The following DNAAF11 variants were observed in gnomAD, a reference collection of about 807,000 sequenced individuals.
DNAAF11 encodes dynein axonemal assembly factor 11.
Under a neutral mutation model 60.8 loss-of-function variants are expected in DNAAF11, and 45 were observed. That is an observed-to-expected ratio of 0.74 (90% CI 0.58 to 0.95). The LOEUF (loss-of-function observed/expected upper bound fraction) is 0.95, where lower values mean the gene tolerates loss of function less well. Ranked by LOEUF, DNAAF11 falls within the 40% of genes least tolerant of loss-of-function variation. DNAAF11 has a pLI of 0.00. For synonymous variants in DNAAF11, 191 were observed against 183.5 expected (o/e 1.04, Z -0.33); for missense variants, 546 against 546.2 (o/e 1.00, Z 0.00).
At chr8:132,619,640 G>A (rs1001069792) in intron 7 of DNAAF11, among the ~76,000 whole-genome samples, 4 of 152,194 alleles carry the variant, frequency 2.6e-5, no homozygotes, top group African/African-American at 4.8e-5. Flanking sequence ...ACCAAGTGCA[G>A]ACAATTCCAT....
the DNAAF11 span, among the ~76,000 whole-genome samples, chr8:132,699,970 C>T: frequency 3.3e-5 from 5 of 152,066 alleles, no homozygotes; most frequent in East Asian, 7.7e-4. Context: ...TTAATGAGCA[C>T]AGGATTTTCT....
chr8:132,644,628 C>T (rs1330649784), intron 3 of DNAAF11, among the ~76,000 whole-genome samples: 1 of 152,124 alleles, frequency 6.6e-6, no homozygotes, highest in Admixed American at 6.5e-5. Flanking sequence ...TGGGACACTC[C>T]CACCCTAATA....
chr8:132,619,920 T>C (rs1819586683), intron 7 of DNAAF11, among the ~76,000 whole-genome samples: 2 of 152,070 alleles, frequency 1.3e-5, no homozygotes, highest in African/African-American at 2.4e-5. Context: ...GGGGAGTACA[T>C]GGGACAGGTC....
At chr8:132,628,328 C>G (rs1195654779) in intron 5 of DNAAF11, among the ~76,000 whole-genome samples, 4 of 152,098 alleles carry the variant, frequency 2.6e-5, no homozygotes, top group Non-Finnish European at 2.9e-5. Flanking sequence ...AAAAGAATCG[C>G]TTGAACCCAG....
At chr8:132,702,066 T>C in the DNAAF11 span, 11 of 152,214 alleles carry the variant, frequency 7.2e-5, no homozygotes, top group African/African-American at 2.7e-4. Flanking sequence ...TGATGGTGAG[T>C]CACTTTCAAA....
chr8:132,650,844 T>C lies in DNAAF11; in HGVS notation c.256+5986A>G, dbSNP rs1822938719. Among the ~76,000 whole-genome samples the C allele has an allele frequency of 2.0e-5, 3 of 152,342 alleles. No homozygotes were observed. The South Asian group carries it at 6.2e-4, about 32-fold the overall frequency. The stretch of plus-strand genomic sequence containing the variant: ...AAGACTGACATTTGAAAGCCTCCAA[T>C]GAGGTGAAAATGTCATATATCTTTG... On this transcript the variant is annotated intron_variant, in intron 3 of 11. Coordinates refer to ENST00000620350, the MANE Select transcript of DNAAF11 (RefSeq NM_012472.6).
the DNAAF11 span, among the ~76,000 whole-genome samples, chr8:132,697,392 C>T: frequency 6.6e-6 from 1 of 152,016 alleles, no homozygotes; most frequent in African/African-American, 2.4e-5. Flanking sequence ...CCGAGGTGGG[C>T]AGATCACTTG....
At chr8:132,687,725 G>C in the DNAAF11 span, 1 of 455,508 alleles carries the variant, frequency 2.2e-6, no homozygotes, top group Non-Finnish European at 4.4e-6. Flanking sequence ...CTCAGGGCCT[G>C]AACTCAAATC....
intron 6 of DNAAF11, among the ~76,000 whole-genome samples, chr8:132,624,138 A>G (rs1249770353): frequency 1.3e-5 from 2 of 152,198 alleles, no homozygotes; most frequent in Non-Finnish European, 2.9e-5. Flanking sequence ...GTGTATGGGT[A>G]TATATGTAAG....
At chr8:132,601,731 T>C (rs959573694) in intron 10 of DNAAF11, among the ~76,000 whole-genome samples, 2 of 151,896 alleles carry the variant, frequency 1.3e-5, no homozygotes, top group African/African-American at 2.4e-5. Flanking sequence ...ATGAGAACAC[T>C]TGGACACAGG....
intron 4 of DNAAF11, among the ~76,000 whole-genome samples, chr8:132,634,810 T>C (rs776506298): frequency 2.0e-5 from 3 of 149,008 alleles, no homozygotes; most frequent in Non-Finnish European, 3.0e-5. Context: ...TTAACATAAA[T>C]ACATTATATA....
At chr8:132,638,285 C>T (rs543794041) in intron 3 of DNAAF11, among the ~76,000 whole-genome samples, 178 bp from the exon 4 acceptor site, 1 of 152,302 alleles carries the variant, frequency 6.6e-6, no homozygotes, top group Non-Finnish European at 1.5e-5. Context: ...TTCATCTTAA[C>T]TCATTTTTCT....
intron 1 of DNAAF11, among the ~76,000 whole-genome samples, chr8:132,666,630 T>G (rs1019752654): frequency 1.3e-5 from 2 of 151,830 alleles, no homozygotes; most frequent in Admixed American, 6.6e-5. Flanking sequence ...AGAGCACACA[T>G]GACAATTAAC....
chr8:132,643,600 G>A (rs947925973), intron 3 of DNAAF11: 34 of 455,804 alleles, frequency 7.5e-5, no homozygotes, highest in Admixed American at 3.8e-4. Flanking sequence ...ATACACGGAG[G>A]GTGGGTAGGA....
At chr8:132,673,775 C>T (rs1043639809) in intron 1 of DNAAF11, among the ~76,000 whole-genome samples, 2 of 152,142 alleles carry the variant, frequency 1.3e-5, no homozygotes, top group Non-Finnish European at 2.9e-5. Flanking sequence ...GGCACAGGCA[C>T]CCCTCTCTCT....
intron 10 of DNAAF11, among the ~76,000 whole-genome samples, chr8:132,585,236 G>A (rs1209308977): frequency 1.3e-5 from 2 of 152,148 alleles, no homozygotes; most frequent in Non-Finnish European, 2.9e-5. Flanking sequence ...CTTTTCCTGT[G>A]TCAACATCAT....
chr8:132,680,741 C>A, the DNAAF11 span, among the ~76,000 whole-genome samples: 1 of 151,040 alleles, frequency 6.6e-6, no homozygotes, highest in Non-Finnish European at 1.5e-5. Flanking sequence ...CTTTTTTACC[C>A]TCCCTTCTTT....
chr8:132,690,415 C>T, the DNAAF11 span, among the ~76,000 whole-genome samples: 5 of 152,140 alleles, frequency 3.3e-5, no homozygotes, highest in East Asian at 1.9e-4. Context: ...CCTTCCACCA[C>T]GATTGTAAGT....
chr8:132,596,195 T>C (rs1370265774), intron 10 of DNAAF11, among the ~76,000 whole-genome samples: 7 of 152,206 alleles, frequency 4.6e-5, no homozygotes, highest in Non-Finnish European at 4.4e-5. Flanking sequence ...GGCAGGTGCA[T>C]ACAAAATGTC....
Sources: gnomAD v4.1 joint callset for allele counts (sites outside exome capture counted in the v4.1 genomes callset) on GRCh38, gnomAD v4.1.1 for gene constraint, MANE v1.5 for transcripts, NCBI Gene and HGNC (gene_info 2026-07-23, HGNC 2026-07-21) for gene names.